The following BNC2 variants were observed in gnomAD, a reference collection of about 807,000 sequenced individuals.
BNC2 encodes the protein basonuclin zinc finger protein 2.
BNC2 carries 20 observed loss-of-function variants against 76.3 expected under a neutral mutation model. The observed-to-expected ratio is 0.26, with a 90% CI of 0.18 to 0.38. The LOEUF (loss-of-function observed/expected upper bound fraction) is 0.38. Ranked by LOEUF, BNC2 falls within the 10% of genes least tolerant of loss-of-function variation. The pLI, the probability that BNC2 is intolerant of heterozygous loss-of-function variation, is 1.00. For missense variants in BNC2, 1,382 were observed against 1,399.8 expected (o/e 0.99, Z 0.20); for synonymous variants, 582 against 514.8 (o/e 1.13, Z -1.77).
intron 1 of BNC2, among the ~76,000 whole-genome samples, chr9:16,751,985 C>T (rs1000465463): frequency 2.6e-5 from 4 of 151,964 alleles, no homozygotes; most frequent in South Asian, 2.1e-4. Context: ...GCCCAGATCA[C>T]GCCACTGCAC....
At chr9:16,640,271 A>T (rs1199441795) in intron 3 of BNC2, among the ~76,000 whole-genome samples, 1 of 152,176 alleles carries the variant, frequency 6.6e-6, no homozygotes, top group African/African-American at 2.4e-5. Flanking sequence ...ATATTCAGAG[A>T]GGGTCTCAAT....
chr9:16,764,949 A>G (rs796178532), intron 1 of BNC2, among the ~76,000 whole-genome samples: 13 of 152,198 alleles, frequency 8.5e-5, no homozygotes, highest in African/African-American at 3.1e-4. Context: ...AAGAAAAAAG[A>G]AGGAGAGAGA....
intron 5 of BNC2, among the ~76,000 whole-genome samples, chr9:16,525,784 T>G (rs1486720072): frequency 6.6e-6 from 1 of 152,214 alleles, no homozygotes; most frequent in Non-Finnish European, 1.5e-5. Context: ...TCACCATTTT[T>G]ATCAAACACA....
intron 1 of BNC2, among the ~76,000 whole-genome samples, chr9:16,845,918 G>C (rs552312600): frequency 2.6e-5 from 4 of 152,158 alleles, no homozygotes; most frequent in South Asian, 2.1e-4. Flanking sequence ...GGGAGGCCGA[G>C]ACGGGCGGAT....
intron 3 of BNC2, among the ~76,000 whole-genome samples, chr9:16,707,979 A>T (rs1052033128): frequency 6.6e-6 from 1 of 152,202 alleles, no homozygotes; most frequent in Non-Finnish European, 1.5e-5. Flanking sequence ...CTACTATGGT[A>T]TAGCGATGCA....
At chr9:16,461,476 T>C (rs1821579122) in intron 5 of BNC2, among the ~76,000 whole-genome samples, 1 of 152,140 alleles carries the variant, frequency 6.6e-6, no homozygotes, top group African/African-American at 2.4e-5. Context: ...ATTTTGTAAA[T>C]ATTTTATTAA....
chr9:16,707,002 A>T (rs1365600555), intron 3 of BNC2, among the ~76,000 whole-genome samples: 2 of 152,208 alleles, frequency 1.3e-5, no homozygotes. Context: ...GGAGATCGAG[A>T]CCATCCTGGC....
intron 1 of BNC2, among the ~76,000 whole-genome samples, chr9:16,829,515 A>G (rs573780412): frequency 2.6e-5 from 4 of 152,314 alleles, no homozygotes; most frequent in African/African-American, 7.2e-5. Context: ...TTTTTTAAAA[A>G]TATTTTTCTA....
intron 5 of BNC2, among the ~76,000 whole-genome samples, chr9:16,548,815 A>T (rs1818568637): frequency 1.3e-5 from 2 of 152,246 alleles, no homozygotes; most frequent in Admixed American, 6.5e-5. Context: ...CTTAAAAGCT[A>T]ACTTTCTGTA....
At chr9:16,839,669 G>C (rs1432070874) in intron 1 of BNC2, among the ~76,000 whole-genome samples, 5 of 152,176 alleles carry the variant, frequency 3.3e-5, no homozygotes, top group African/African-American at 4.8e-5. Flanking sequence ...TAGGCATCCA[G>C]CTCTATAGCA....
Position 16,419,280 on chromosome 9 carries a change from T to C in BNC2, c.3009A>G (p.Ala1003=), listed in dbSNP as rs1587006017. The stretch of plus-strand genomic sequence containing the variant: ...GGAGGGCAGGGGCCTCGGCCTTGTG[T>C]GCCGACTCCCCACTGTCACTCGCCC... ...IDGASDSGES[A]HKAEAPALPG... is the part of the protein sequence containing the mutation. The change falls in exon 7 of 7, where the codon GCA becomes GCG. Residue 1003 remains alanine, a synonymous_variant. Coordinates refer to ENST00000380672, the MANE Select transcript of BNC2 (RefSeq NM_017637.6). 6.2e-7 allele frequency: 1 copy of C among 1,614,030 alleles called. No individual in the cohort carries two copies. Among genetic ancestry groups the C allele is most frequent in the African/African-American group, 1.3e-5 (1 of 74,942 alleles).
chr9:16,448,584 G>A (rs1821274571), intron 5 of BNC2, among the ~76,000 whole-genome samples: 1 of 152,182 alleles, frequency 6.6e-6, no homozygotes, highest in Admixed American at 6.6e-5. Context: ...TCATTAGGAT[G>A]TGAGGGAGCA....
rs576221392 is a variant in BNC2 at position 16,435,513 on chromosome 9, C to G, written c.2639+42G>C. 58 of 1,609,576 alleles carry G rather than the reference C, an allele frequency of 3.6e-5. No homozygotes were observed. In the South Asian group the frequency reaches 6.3e-4, roughly 17 times the overall value. On this transcript the variant is annotated intron_variant, in intron 6 of 6. Transcript: ENST00000380672. The stretch of plus-strand genomic sequence containing the variant: ...AGTCCAACATGACTGAAAACTGGCA[C>G]CCTCCACCCCCAGCAGGAGCAGCCA...
intron 1 of BNC2, among the ~76,000 whole-genome samples, chr9:16,847,992 C>T (rs921152116): frequency 2.0e-5 from 3 of 152,182 alleles, no homozygotes; most frequent in Non-Finnish European, 4.4e-5. Context: ...TCCAAAGCAT[C>T]CCTTTTCTAA....
At chr9:16,672,261 G>A (rs961420069) in intron 3 of BNC2, among the ~76,000 whole-genome samples, 29 of 152,304 alleles carry the variant, frequency 1.9e-4, no homozygotes, top group Admixed American at 1.9e-3. Context: ...ACTTTGGGAG[G>A]CCGAGGCGGG....
intron 1 of BNC2, among the ~76,000 whole-genome samples, chr9:16,752,522 A>T (rs1825250671): frequency 6.6e-6 from 1 of 152,248 alleles, no homozygotes; most frequent in South Asian, 2.1e-4. Flanking sequence ...GTTTAATCTT[A>T]GAAGTAAAAT....
At chr9:16,464,773 C>T (rs1821668384) in intron 5 of BNC2, among the ~76,000 whole-genome samples, 1 of 152,048 alleles carries the variant, frequency 6.6e-6, no homozygotes, top group South Asian at 2.1e-4. Context: ...TGATGTGATG[C>T]AATGGTTTTT....
chr9:16,594,116 A>G (rs1000092083), intron 3 of BNC2, among the ~76,000 whole-genome samples: 13 of 152,308 alleles, frequency 8.5e-5, no homozygotes, highest in Non-Finnish European at 1.3e-4. Context: ...AGATGCAAAA[A>G]GACTTATAAA....
At chr9:16,798,208 C>A (rs1389050178) in intron 1 of BNC2, among the ~76,000 whole-genome samples, 1 of 152,128 alleles carries the variant, frequency 6.6e-6, no homozygotes, top group Non-Finnish European at 1.5e-5. Flanking sequence ...TATGCAGATT[C>A]GAATAGGCAC....
Sources: gnomAD v4.1 joint callset for allele counts (sites outside exome capture counted in the v4.1 genomes callset) on GRCh38, gnomAD v4.1.1 for gene constraint, MANE v1.5 for transcripts, NCBI Gene and HGNC (gene_info 2026-07-23, HGNC 2026-07-21) for gene names.